CSMD1: variants seen among roughly 807,000 people sequenced by gnomAD.
CSMD1 encodes CUB and Sushi multiple domains 1, also known as CUB and sushi domain-containing protein 1.
Under a neutral mutation model 417.5 loss-of-function variants are expected in CSMD1, and 213 were observed. The ratio of observed to expected loss-of-function variants is 0.51; its 90% confidence interval spans 0.46 to 0.57. The LOEUF is 0.57. Ranked by LOEUF, CSMD1 falls within the 20% of genes least tolerant of loss-of-function variation. CSMD1 has a pLI of 0.00. For synonymous variants in CSMD1, 2,862 were observed against 1,736.8 expected, an observed-to-expected ratio of 1.65 and a Z score of -16.11; for missense variants, 6,923 against 4,529.7, an observed-to-expected ratio of 1.53 and a Z score of -15.17.
intron 1 of CSMD1, among the ~76,000 whole-genome samples, chr8:4,955,915 A>G (rs535116961): frequency 4.6e-4 from 70 of 152,334 alleles, no homozygotes; most frequent in African/African-American, 1.6e-3. Context: ...ATTATATTTA[A>G]AAAGCCATCC....
intron 10 of CSMD1, among the ~76,000 whole-genome samples, chr8:3,507,195 C>T (rs1024833145): frequency 6.6e-6 from 1 of 152,156 alleles, no homozygotes; most frequent in Non-Finnish European, 1.5e-5. Context: ...TGTGAATCAT[C>T]ATGAAATCTA....
intron 2 of CSMD1, among the ~76,000 whole-genome samples, chr8:4,469,670 C>A (rs1013669165): frequency 6.6e-6 from 1 of 152,198 alleles, no homozygotes; most frequent in South Asian, 2.1e-4. Context: ...TGGAAACAGG[C>A]CCAGGGAACT....
chr8:3,873,964 G>A (rs1805649398), intron 5 of CSMD1, among the ~76,000 whole-genome samples: 1 of 152,132 alleles, frequency 6.6e-6, no homozygotes, highest in African/African-American at 2.4e-5. Context: ...CAGTCTTGAG[G>A]GCTGTGTTGG....
chr8:3,898,880 C>T (rs567738868), intron 5 of CSMD1, among the ~76,000 whole-genome samples: 2 of 152,134 alleles, frequency 1.3e-5, no homozygotes, highest in Non-Finnish European at 2.9e-5. Context: ...CTGTTGGTCC[C>T]CTTAGGGGTT....
chr8:3,184,904 G>T (rs539130455), intron 36 of CSMD1, among the ~76,000 whole-genome samples: 3 of 152,290 alleles, frequency 2.0e-5, no homozygotes, highest in Admixed American at 1.3e-4. Flanking sequence ...TCTTTGACAA[G>T]TCCCTGCTCC....
At chr8:4,932,465 T>C (rs955801207) in intron 1 of CSMD1, among the ~76,000 whole-genome samples, 3 of 152,090 alleles carry the variant, frequency 2.0e-5, no homozygotes, top group East Asian at 1.9e-4. Context: ...TAAAGAGAAA[T>C]AATATACTAC....
chr8:4,016,093 C>T (rs1376863317), intron 4 of CSMD1, among the ~76,000 whole-genome samples: 1 of 151,996 alleles, frequency 6.6e-6, no homozygotes, highest in East Asian at 1.9e-4. Flanking sequence ...TAATATTTAC[C>T]AGGAAATTTT....
Position 4,100,261 on chromosome 8 carries a change from T to C in CSMD1, c.416-68162A>G, listed in dbSNP as rs118065334. 9.9e-3 allele frequency among the ~76,000 whole-genome samples: 1,504 copies of C among 152,322 alleles called. 9 individuals carry two copies. Among genetic ancestry groups the C allele is most frequent in the South Asian group, 0.021 (103 of 4,826 alleles). On this transcript the variant is annotated intron_variant, in intron 3 of 69. Coordinates refer to ENST00000635120, the MANE Select transcript of CSMD1 (RefSeq NM_033225.6). ...TGGAAAACAGTAGGCATGCAGTTAA[T>C]TGTCATAGTATTCATCCTTTTTGTA...
intron 2 of CSMD1, among the ~76,000 whole-genome samples, chr8:4,635,983 A>T (rs1312090266): frequency 6.6e-6 from 1 of 152,082 alleles, no homozygotes; most frequent in Non-Finnish European, 1.5e-5. Context: ...GGGTGAAAAA[A>T]TGCAAATAAA....
intron 1 of CSMD1, among the ~76,000 whole-genome samples, chr8:4,724,778 C>G (rs1455750770): frequency 6.6e-6 from 1 of 152,000 alleles, no homozygotes; most frequent in East Asian, 1.9e-4. Context: ...TTAAGATATA[C>G]AGCATAGCCT....
chr8:4,406,850 GT>G (rs1805060095), intron 3 of CSMD1, among the ~76,000 whole-genome samples: 1 of 152,198 alleles, frequency 6.6e-6, no homozygotes, highest in African/African-American at 2.4e-5. Context: ...CTATTAAAAT[GT>G]CCACTGTAAA....
At chr8:4,459,102 G>T (rs1190319531) in intron 2 of CSMD1, among the ~76,000 whole-genome samples, 1 of 152,172 alleles carries the variant, frequency 6.6e-6, no homozygotes, top group Non-Finnish European at 1.5e-5. Flanking sequence ...GCCAGGGTAC[G>T]CTTCTAACCA....
In CSMD1 at chr8:3,155,398, C is replaced by T. The variant is rs369829662; in HGVS notation, c.5914+2499G>A. On this transcript the variant is annotated intron_variant, in intron 39 of 69. Transcript: ENST00000635120. Reference sequence around the variant, plus strand: ...TTTTTTTTTTTTTGAGACAGAATCTCGCTCTGTCACCCAGGATGGAGTGCA... The same window carrying T: ...TTTTTTTTTTTTTGAGACAGAATCTTGCTCTGTCACCCAGGATGGAGTGCA... Among the ~76,000 whole-genome samples the T allele has an allele frequency of 1.3e-3, 25 of 19,158 alleles. 1 individual carries two copies. In the East Asian group the frequency reaches 0.015, roughly 11 times the overall value. The allele number at this position is 19,158 out of a possible 152,430, so 12.6% of individuals were successfully genotyped here.
intron 1 of CSMD1, among the ~76,000 whole-genome samples, chr8:4,830,863 A>C (rs184554045): frequency 1.3e-5 from 2 of 152,340 alleles, no homozygotes; most frequent in African/African-American, 4.8e-5. Flanking sequence ...AAATTCTGGG[A>C]AAAAAGAAAA....
intron 3 of CSMD1, among the ~76,000 whole-genome samples, chr8:4,402,084 T>C (rs774127471): frequency 2.6e-5 from 4 of 152,134 alleles, no homozygotes; most frequent in African/African-American, 9.7e-5. Flanking sequence ...TCCTTTGTTC[T>C]CAACCTCCTC....
intron 3 of CSMD1, among the ~76,000 whole-genome samples, chr8:4,310,646 G>A (rs1798509196): frequency 6.6e-6 from 1 of 152,078 alleles, no homozygotes; most frequent in South Asian, 2.1e-4. Context: ...AGACACATTT[G>A]ACCGAGACTA....
chr8:3,694,618 C>T (rs2129034310), intron 7 of CSMD1, among the ~76,000 whole-genome samples: 1 of 152,010 alleles, frequency 6.6e-6, no homozygotes, highest in Admixed American at 6.5e-5. Context: ...AAGGACCCAG[C>T]CCTGGGCATG....
intron 30 of CSMD1, 39 bp downstream of exon 30, chr8:3,214,458 A>C (rs781751989): frequency 6.8e-7 from 1 of 1,464,088 alleles, no homozygotes; most frequent in Non-Finnish European, 9.1e-7. Context: ...ATTTTAAAGG[A>C]AAGTTGTATT....
chr8:4,234,377 G>A (rs916913126), intron 3 of CSMD1, among the ~76,000 whole-genome samples: 2 of 152,018 alleles, frequency 1.3e-5, no homozygotes. Context: ...TGGAAGATGT[G>A]TGGCAGCCAC....
Sources: gnomAD v4.1 joint callset for allele counts (sites outside exome capture counted in the v4.1 genomes callset) on GRCh38, gnomAD v4.1.1 for gene constraint, MANE v1.5 for transcripts, NCBI Gene and HGNC (gene_info 2026-07-23, HGNC 2026-07-21) for gene names.